The following ANKS1B variants were observed in gnomAD, a reference collection of about 807,000 sequenced individuals.
ANKS1B encodes ankyrin repeat and sterile alpha motif domain containing 1B, also known as ankyrin repeat and sterile alpha motif domain-containing protein 1B.
A neutral mutation model predicts 148.3 loss-of-function variants in ANKS1B; 36 were observed. The ratio of observed to expected loss-of-function variants is 0.24; its 90% confidence interval spans 0.19 to 0.32. The LOEUF is 0.32. Among genes scored for constraint, ANKS1B ranks in the 10% least tolerant of loss-of-function variants. The pLI is 1.00. For missense variants in ANKS1B, 1,157 were observed against 1,542.6 expected, an observed-to-expected ratio of 0.75 and a Z score of 4.19; for synonymous variants, 542 against 560.8, an observed-to-expected ratio of 0.97 and a Z score of 0.47.
At chr12:99,320,165 G>A (rs534173902) in intron 12 of ANKS1B, among the ~76,000 whole-genome samples, 2 of 152,226 alleles carry the variant, frequency 1.3e-5, no homozygotes, top group African/African-American at 2.4e-5. Flanking sequence ...TGACAATTAT[G>A]TGTCTTGAAG....
chr12:99,645,280 A>C (rs1050925799), intron 9 of ANKS1B, among the ~76,000 whole-genome samples: 2 of 152,220 alleles, frequency 1.3e-5, no homozygotes, highest in African/African-American at 4.8e-5. Context: ...TTCTTTTAAA[A>C]GTTTTGGGAA....
intron 14 of ANKS1B, among the ~76,000 whole-genome samples, chr12:99,242,505 G>T (rs2089531546): frequency 6.6e-6 from 1 of 152,120 alleles, no homozygotes; most frequent in Non-Finnish European, 1.5e-5. Context: ...TCCCCATCAA[G>T]TTGCCACTGA....
rs1454072284 is a variant in ANKS1B, at chr12:99,382,324, C to T, written c.1756+17307G>A. The stretch of plus-strand genomic sequence containing the variant: ...CTGAAGTCAGGTAACAACTAATGTC[C>T]CTTTAGAACAAACTTAGCCAAATGG... On this transcript the variant is annotated intron_variant, in intron 12 of 26. Coordinates refer to ENST00000683438, the MANE Select transcript of ANKS1B (RefSeq NM_001352186.2). 2.6e-5 allele frequency among the ~76,000 whole-genome samples: 4 copies of T among 152,032 alleles called. 1 individual carries two copies. The highest frequency in any genetic ancestry group is 5.9e-5 in the Non-Finnish European group (4 of 68,020).
chr12:98,908,867 A>C lies in ANKS1B; in HGVS notation c.2779-76731T>G, dbSNP rs1165449665. 2.6e-5 allele frequency among the ~76,000 whole-genome samples: 4 copies of C among 152,198 alleles called. No individual in the cohort carries two copies. The South Asian group carries it at 6.2e-4, about 24-fold the overall frequency. ...GGAAATATTGAATGGGGTTCTAAAC[A>C]AATTGTTTGGTTGGGTTTATGCTAT... is the stretch of plus-strand genomic sequence containing the variant. On this transcript the variant is annotated intron_variant, in intron 17 of 26. Coordinates refer to ENST00000683438, the MANE Select transcript of ANKS1B (RefSeq NM_001352186.2).
chr12:98,762,504 C>T (rs1250246855), intron 25 of ANKS1B, among the ~76,000 whole-genome samples: 1 of 152,220 alleles, frequency 6.6e-6, no homozygotes, highest in Non-Finnish European at 1.5e-5. Context: ...CAGAAAACAC[C>T]TTCATTCCAG....
At chr12:99,666,973 T>C (rs894566460) in intron 8 of ANKS1B, among the ~76,000 whole-genome samples, 12 of 152,038 alleles carry the variant, frequency 7.9e-5, no homozygotes, top group African/African-American at 2.7e-4. Context: ...GTTACCATGC[T>C]ATGCATTTGA....
At chr12:99,687,678 AT>A (rs553815817) in intron 8 of ANKS1B, among the ~76,000 whole-genome samples, 25 of 151,806 alleles carry the variant, frequency 1.6e-4, no homozygotes, top group Admixed American at 5.9e-4. Context: ...CACTTGAGTC[AT>A]TTTTTTCTTA....
intron 17 of ANKS1B, among the ~76,000 whole-genome samples, chr12:99,002,126 T>A (rs1241738386): frequency 6.6e-6 from 1 of 152,206 alleles, no homozygotes; most frequent in African/African-American, 2.4e-5. Context: ...TACAGATATT[T>A]CTTCAAGATA....
intron 9 of ANKS1B, 89 bp from the exon 10 acceptor site, chr12:99,504,730 T>C: frequency 3.0e-6 from 3 of 1,006,186 alleles, no homozygotes; most frequent in Non-Finnish European, 4.2e-6. Flanking sequence ...TCAGGTTCAT[T>C]AGTTCTTTCC....
chr12:99,966,327 C>T (rs769163625), intron 1 of ANKS1B, among the ~76,000 whole-genome samples: 13 of 151,342 alleles, frequency 8.6e-5, no homozygotes, highest in African/African-American at 2.4e-4. Flanking sequence ...GCAAATGGTT[C>T]GGGGAAAAAA....
chr12:99,963,839 T>C (rs1264630616), intron 1 of ANKS1B, among the ~76,000 whole-genome samples: 1 of 152,206 alleles, frequency 6.6e-6, no homozygotes, highest in African/African-American at 2.4e-5. Flanking sequence ...TTTTATGACA[T>C]TTTAAAAATC....
chr12:99,856,737 G>T (rs568589357), intron 1 of ANKS1B, among the ~76,000 whole-genome samples: 2 of 152,046 alleles, frequency 1.3e-5, no homozygotes, highest in South Asian at 4.2e-4. Context: ...ACATATACAA[G>T]TAAAGAAATG....
intron 8 of ANKS1B, among the ~76,000 whole-genome samples, chr12:99,664,398 T>C (rs1302692357): frequency 2.0e-5 from 3 of 152,060 alleles, no homozygotes; most frequent in Admixed American, 1.3e-4. Context: ...GGGATTCTTA[T>C]GTTACTTTAA....
chr12:98,858,405 G>A (rs1003788585), intron 17 of ANKS1B, among the ~76,000 whole-genome samples: 1 of 152,238 alleles, frequency 6.6e-6, no homozygotes, highest in Non-Finnish European at 1.5e-5. Flanking sequence ...GCGAAGTGCT[G>A]AGATCATGGC....
chr12:99,245,639 G>A (rs2090115922), intron 13 of ANKS1B, among the ~76,000 whole-genome samples: 1 of 152,190 alleles, frequency 6.6e-6, no homozygotes, highest in Non-Finnish European at 1.5e-5. Flanking sequence ...AACTGGTACA[G>A]TCTTTTCAGA....
chr12:99,344,022 C>T (rs76195493), intron 12 of ANKS1B, among the ~76,000 whole-genome samples: 2 of 151,996 alleles, frequency 1.3e-5, no homozygotes, highest in East Asian at 3.9e-4. Flanking sequence ...ATTCTTTGTG[C>T]ACTAAATAAA....
chr12:99,468,951 C>A lies in ANKS1B; in HGVS notation c.1439-25142G>T, dbSNP rs1338337868. Among the ~76,000 whole-genome samples, 19 of 152,096 alleles carry A rather than the reference C, an allele frequency of 1.2e-4. 1 individual carries two copies. Among genetic ancestry groups the A allele is most frequent in the African/African-American group, 3.1e-4 (13 of 41,490 alleles). On this transcript the variant is annotated intron_variant, in intron 10 of 26. Transcript: ENST00000683438. ...CATCCCATTACTGGGTATATACCCA[C>A]AGGACTATAAATCATGCTGCTATAA... is the stretch of plus-strand genomic sequence containing the variant.
intron 8 of ANKS1B, among the ~76,000 whole-genome samples, chr12:99,770,819 T>C (rs140080259): frequency 1.3e-5 from 2 of 152,286 alleles, no homozygotes; most frequent in East Asian, 3.9e-4. Context: ...TACTCATATA[T>C]ACCATCTGCT....
At chr12:99,670,985 C>T (rs965416179) in intron 8 of ANKS1B, among the ~76,000 whole-genome samples, 4 of 152,132 alleles carry the variant, frequency 2.6e-5, no homozygotes, top group Non-Finnish European at 5.9e-5. Context: ...TTTTCTACTT[C>T]TTATTCTACT....
Sources: allele counts gnomAD v4.1 joint callset (sites outside exome capture counted in the v4.1 genomes callset), GRCh38; gene constraint gnomAD v4.1.1; transcripts MANE v1.5; gene names NCBI Gene and HGNC (gene_info 2026-07-23, HGNC 2026-07-21).